Variants in SECISBP2 observed in about 807,000 individuals in gnomAD.
SECISBP2 encodes selenocysteine insertion sequence-binding protein 2.
Under a neutral mutation model 98.2 loss-of-function variants are expected in SECISBP2, and 96 were observed. The observed-to-expected ratio is 0.98, with a 90% CI of 0.83 to 1.16. The LOEUF (loss-of-function observed/expected upper bound fraction) is 1.16, where lower values mean the gene tolerates loss of function less well. Ranked by LOEUF, SECISBP2 falls within the 50% of genes most tolerant of loss-of-function variation. SECISBP2 has a pLI of 0.00. For synonymous variants in SECISBP2, 407 were observed against 370.2 expected, an observed-to-expected ratio of 1.10 and a Z score of -1.14; for missense variants, 1,046 against 1,022.9, an observed-to-expected ratio of 1.02 and a Z score of -0.31.
At chr9:89,322,751 C>T (rs1022230982) in intron 2 of SECISBP2, 1 of 152,198 alleles carries the variant, frequency 6.6e-6, no homozygotes, top group Non-Finnish European at 1.5e-5. Flanking sequence ...ACTGCATCCC[C>T]TTTGGGTCGT....
intron 14 of SECISBP2, among the ~76,000 whole-genome samples, chr9:89,353,521 A>G (rs529108598): frequency 1.3e-5 from 2 of 152,128 alleles, no homozygotes; most frequent in East Asian, 1.9e-4. Flanking sequence ...CCAGTGTTCA[A>G]CCAGCCCTCT....
At position 89,328,809 on chromosome 9, in the gene SECISBP2, T is replaced by C. The variant is rs531603787; in HGVS notation, c.724T>C (p.Trp242Arg). 6.2e-7 allele frequency: 1 copy of C among 1,614,224 alleles called. No individual in the cohort carries two copies. Among genetic ancestry groups the C allele is most frequent in the South Asian group, 1.1e-5 (1 of 91,090 alleles). ...NMSEIQKQPKWGPVHSVSTDI... is the reference protein window; with the variant it reads ...NMSEIQKQPKRGPVHSVSTDI... ...GTCAGAGATACAGAAGCAACCCAAG[T>C]GGGGACCTGTCCACTCTGTCTCTAC... Residue 242 changes from tryptophan (W) to arginine (R), a missense_variant, in exon 5 of 17, where the codon TGG becomes CGG. Transcript: ENST00000375807.
Position 89,328,354 on chromosome 9 carries a change from T to C in SECISBP2, c.575-306T>C, listed in dbSNP as rs576891778. ...CAGCTTCATTACAATCTTATGGGGC[T>C]GTTGTATACGTAATCCATTGCTGAT... is the stretch of plus-strand genomic sequence containing the variant. On this transcript the variant is annotated intron_variant, in intron 4 of 16. Coordinates refer to ENST00000375807, the MANE Select transcript of SECISBP2 (RefSeq NM_024077.5). 5.3e-5 allele frequency among the ~76,000 whole-genome samples: 8 copies of C among 152,358 alleles called. 1 individual carries two copies. The highest frequency in any genetic ancestry group is 4.6e-4 in the Admixed American group (7 of 15,310).
At chr9:89,343,447 G>T (rs112290387) in intron 10 of SECISBP2, among the ~76,000 whole-genome samples, 2,244 of 151,996 alleles carry the variant, frequency 0.015, 30 homozygotes, top group African/African-American at 0.027. Flanking sequence ...ATTTTGTCAC[G>T]CAGGTACTAA....
chr9:89,347,965 G>C (rs368786480), intron 11 of SECISBP2, 114 bp from the exon 12 acceptor site: 7 of 1,011,472 alleles, frequency 6.9e-6, no homozygotes, highest in Non-Finnish European at 1.0e-5. Context: ...GCTGCTCTCA[G>C]GGCACTAAGA....
In SECISBP2 at chr9:89,325,495, A is replaced by G. The variant is rs1826534162; in HGVS notation, c.251A>G (p.Glu84Gly). 6.2e-7 allele frequency: 1 copy of G among 1,613,660 alleles called. No homozygotes were observed. The change falls in exon 3 of 17, where the codon GAG (glutamate) becomes GGG (glycine). Residue 84 changes from glutamate to glycine, a missense_variant. Glu to Gly is a moderately conservative substitution (Grantham distance 98). Transcript: ENST00000375807. ...TTTCCACCTCAGTATTTATCTTCTG[A>G]GATAACTCTTCATCCATATGCCTAT... ...STFPPQYLSS[E>G]ITLHPYAYSP...
chr9:89,338,889 T>TG (rs202217023), intron 8 of SECISBP2, among the ~76,000 whole-genome samples: 3,789 of 151,940 alleles, frequency 0.025, 162 homozygotes, highest in East Asian at 0.16. Context: ...TTTACCTGTT[T>TG]TTTTTTTTTT....
chr9:89,357,952 T>A, intron 15 of SECISBP2, 47 bp from the exon 16 acceptor site: 1 of 1,603,336 alleles, frequency 6.2e-7, no homozygotes, highest in Non-Finnish European at 8.5e-7. Context: ...GGGACCCGTG[T>A]CCTCTGTAGC....
chr9:89,363,804 A>G (rs775939921), downstream of SECISBP2: 6 of 1,614,082 alleles, frequency 3.7e-6, no homozygotes, highest in East Asian at 1.3e-4. Flanking sequence ...AGGACAGAGC[A>G]GCGATACTCA....
chr9:89,345,833 T>A (rs1310009203), intron 10 of SECISBP2, among the ~76,000 whole-genome samples: 1 of 152,206 alleles, frequency 6.6e-6, no homozygotes, highest in African/African-American at 2.4e-5. Flanking sequence ...GCCAGTCACA[T>A]AGTCACATGT....
At chr9:89,327,057 G>T (rs1826839681) in intron 4 of SECISBP2, among the ~76,000 whole-genome samples, 1 of 152,012 alleles carries the variant, frequency 6.6e-6, no homozygotes, top group Admixed American at 6.5e-5. Context: ...AGCTACTCGG[G>T]AGGCTGAGGC....
At position 89,346,282 on chromosome 9, in the gene SECISBP2, A is replaced by G. The variant is rs1830406697; in HGVS notation, c.1436-600A>G. Among the ~76,000 whole-genome samples the G allele has an allele frequency of 3.9e-5, 6 of 152,362 alleles. No individual in the cohort carries two copies. The South Asian group carries it at 1.2e-3, about 32-fold the overall frequency. On this transcript the variant is annotated intron_variant, in intron 10 of 16. Coordinates refer to ENST00000375807, the MANE Select transcript of SECISBP2 (RefSeq NM_024077.5). Reference sequence around the variant, plus strand: ...AAAGGAGAATAAAATTGAAATGTTCAGTAGTAATCACAATAATTTACTGAC... The same window carrying G: ...AAAGGAGAATAAAATTGAAATGTTCGGTAGTAATCACAATAATTTACTGAC...
chr9:89,354,862 C>T (rs918000809), intron 14 of SECISBP2: 1 of 985,258 alleles, frequency 1.0e-6, no homozygotes, highest in Non-Finnish European at 1.2e-6. Flanking sequence ...TTACGGGGGA[C>T]TTCATATGTC....
At position 89,350,801 on chromosome 9, in the gene SECISBP2, A is replaced by G; in HGVS notation, c.2062A>G (p.Lys688Glu). The change falls in exon 14 of 17, where the codon AAA (lysine) becomes GAA (glutamate). Residue 688 changes from lysine (K) to glutamate (E), a missense_variant. By Grantham distance (56) the Lys-to-Glu change is moderately conservative. Transcript: ENST00000375807. ...GGTTCTCAAACACCTGAAGCTCAAA[A>G]AACTGAAATGTGTCATTATTTCTCC... is the stretch of plus-strand genomic sequence containing the variant. ...REVLKHLKLK[K>E]LKCVIISPNC... The G allele has an allele frequency of 1.2e-6, 2 of 1,614,224 alleles. No individual in the cohort carries two copies. The highest frequency in any genetic ancestry group is 1.7e-6 in the Non-Finnish European group (2 of 1,180,038).
intron 2 of SECISBP2, among the ~76,000 whole-genome samples, chr9:89,320,703 T>C (rs1825656052): frequency 6.6e-6 from 1 of 152,238 alleles, no homozygotes; most frequent in Non-Finnish European, 1.5e-5. Flanking sequence ...TTTCCTTACA[T>C]TTTCTTTTTC....
At chr9:89,319,480 G>A (rs1467355486) in intron 1 of SECISBP2, among the ~76,000 whole-genome samples, 172 bp from the exon 2 acceptor site, 2 of 151,498 alleles carry the variant, frequency 1.3e-5, no homozygotes, top group Non-Finnish European at 2.9e-5. Flanking sequence ...AAAAAAAAAA[G>A]CATTGGGGAG....
At chr9:89,321,665 C>CAA (rs1378996910) in intron 2 of SECISBP2, among the ~76,000 whole-genome samples, 5 of 138,820 alleles carry the variant, frequency 3.6e-5, no homozygotes, top group African/African-American at 1.3e-4. Context: ...GACTCTCTCT[C>CAA]AAAAAAAAAA....
At chr9:89,363,956 G>A, downstream of SECISBP2, 1 of 1,614,026 alleles carries the variant, frequency 6.2e-7, no homozygotes, top group Non-Finnish European at 8.5e-7. Flanking sequence ...AGGACCTGGG[G>A]ACACAGACCG....
intron 9 of SECISBP2, among the ~76,000 whole-genome samples, chr9:89,340,906 CT>C (rs1829557576): frequency 6.6e-6 from 1 of 152,176 alleles, no homozygotes; most frequent in Non-Finnish European, 1.5e-5. Context: ...ATGATTTGGG[CT>C]TATGTAGACT....
Sources: gnomAD v4.1 joint callset for allele counts (sites outside exome capture counted in the v4.1 genomes callset) on GRCh38, gnomAD v4.1.1 for gene constraint, MANE v1.5 for transcripts, NCBI Gene and HGNC (gene_info 2026-07-23, HGNC 2026-07-21) for gene names.